The following BCL2L14 variants were observed in gnomAD, a reference collection of about 807,000 sequenced individuals.
The protein encoded by BCL2L14 is BCL2 like 14, also known as apoptosis facilitator Bcl-2-like protein 14.
BCL2L14 carries 27 observed loss-of-function variants against 35.3 expected under a neutral mutation model. The observed-to-expected ratio is 0.76, with a 90% CI of 0.56 to 1.05. BCL2L14 has a LOEUF of 1.05. BCL2L14 is among the 50% of genes least tolerant of loss of function. BCL2L14 has a pLI of 0.00. For synonymous variants in BCL2L14, 139 were observed against 145.9 expected (o/e 0.95, Z 0.34); for missense variants, 377 against 382.6 (o/e 0.99, Z 0.12).
In BCL2L14 at chr12:12,094,698, A is replaced by G; in HGVS notation, c.713A>G (p.Gln238Arg). 1 of 1,614,246 alleles carries G rather than the reference A, an allele frequency of 6.2e-7. No individual in the cohort carries two copies. Among genetic ancestry groups the G allele is most frequent in the South Asian group, 1.1e-5 (1 of 91,082 alleles). ...GATAAGGCTTTGATGGGCCACTTCC[A>G]GGATGGGCTGTCCTACTCTGTTTTC... ...KKDKALMGHFQDGLSYSVFKT... is the reference protein window; with the variant it reads ...KKDKALMGHFRDGLSYSVFKT... Residue 238 changes from glutamine to arginine, a missense_variant, in exon 5 of 6, where the codon CAG (glutamine) becomes CGG (arginine). Coordinates refer to ENST00000308721, the MANE Select transcript of BCL2L14 (RefSeq NM_138723.2).
intron 5 of BCL2L14, chr12:12,095,907 C>A: frequency 1.0e-6 from 1 of 985,372 alleles, no homozygotes; most frequent in African/African-American, 1.7e-5. Flanking sequence ...GTTTGATAAC[C>A]CTAAGTGGCT....
chr12:12,094,049 G>A (rs931759697), intron 4 of BCL2L14, among the ~76,000 whole-genome samples: 2 of 151,414 alleles, frequency 1.3e-5, no homozygotes, highest in Non-Finnish European at 2.9e-5. Flanking sequence ...AGAGGTTGCA[G>A]TGAGCTGAGA....
At chr12:12,060,120 T>C (rs1398880745) in intron 2 of BCL2L14, among the ~76,000 whole-genome samples, 6 of 151,332 alleles carry the variant, frequency 4.0e-5, no homozygotes, top group Non-Finnish European at 8.8e-5. Flanking sequence ...TTCCTCAGCC[T>C]CTGCTCCTCC....
chr12:12,098,475 G>A (rs888655319), intron 5 of BCL2L14, among the ~76,000 whole-genome samples: 5 of 152,006 alleles, frequency 3.3e-5, no homozygotes, highest in African/African-American at 9.7e-5. Context: ...TGAATGAATC[G>A]ATCAAATGAA....
chr12:12,057,852 C>T (rs953505306), intron 2 of BCL2L14, among the ~76,000 whole-genome samples: 1 of 146,320 alleles, frequency 6.8e-6, no homozygotes, highest in Admixed American at 6.8e-5. Flanking sequence ...CGTCATGGGC[C>T]TTAAAGACAG....
At chr12:12,062,059 T>C (rs1948533899) in intron 2 of BCL2L14, among the ~76,000 whole-genome samples, 1 of 152,184 alleles carries the variant, frequency 6.6e-6, no homozygotes, top group African/African-American at 2.4e-5. Flanking sequence ...CTAATACTTT[T>C]AGAGGCCCTC....
chr12:12,055,605 A>G (rs1484070718), intron 2 of BCL2L14: 1 of 152,222 alleles, frequency 6.6e-6, no homozygotes, highest in Non-Finnish European at 1.5e-5. Flanking sequence ...TTACAGCTGC[A>G]AAACACACCT....
At chr12:12,098,833 A>G (rs934265201) in intron 5 of BCL2L14, 117 bp from the exon 6 acceptor site, 4 of 760,854 alleles carry the variant, frequency 5.3e-6, no homozygotes, top group Non-Finnish European at 9.4e-6. Flanking sequence ...CCCCCAAACT[A>G]ACATGGTCTC....
At chr12:12,067,141 T>A (rs1404618528), upstream of BCL2L14, among the ~76,000 whole-genome samples, 1 of 152,182 alleles carries the variant, frequency 6.6e-6, no homozygotes, top group Non-Finnish European at 1.5e-5. Context: ...CCCAGCTCAC[T>A]GCAACCTCTG....
At chr12:12,050,524 G>A (rs1241519615) in intron 1 of BCL2L14, among the ~76,000 whole-genome samples, 1 of 151,418 alleles carries the variant, frequency 6.6e-6, no homozygotes, top group Non-Finnish European at 1.5e-5. Context: ...AATGCCAAGG[G>A]GGACACTTAT....
At chr12:12,057,214 A>G (rs928907310) in intron 2 of BCL2L14, among the ~76,000 whole-genome samples, 3 of 152,222 alleles carry the variant, frequency 2.0e-5, no homozygotes, top group Non-Finnish European at 2.9e-5. Flanking sequence ...TCCACGGGAG[A>G]CTATTTGCAT....
intron 2 of BCL2L14, among the ~76,000 whole-genome samples, chr12:12,086,505 T>C (rs1256814141): frequency 6.6e-6 from 1 of 152,222 alleles, no homozygotes; most frequent in African/African-American, 2.4e-5. Context: ...CACCGTCCTA[T>C]CTCAAAGTGC....
upstream of BCL2L14, among the ~76,000 whole-genome samples, chr12:12,068,496 A>G (rs2016891): frequency 0.41 from 62,900 of 151,852 alleles, 13,217 homozygotes; most frequent in Middle Eastern, 0.51. Flanking sequence ...TTGAACTCCT[A>G]GGCTCAAGCA....
chr12:12,086,178 C>T (rs1349843072), intron 2 of BCL2L14, among the ~76,000 whole-genome samples: 2 of 152,064 alleles, frequency 1.3e-5, no homozygotes, highest in South Asian at 4.2e-4. Flanking sequence ...ATTAGCCAGG[C>T]GTGGTGATGC....
In BCL2L14 at chr12:12,099,598, C is replaced by T. The variant is rs1949385420; in HGVS notation, c.*610C>T. 2 of 152,246 alleles carry T rather than the reference C, an allele frequency of 1.3e-5. No individual in the cohort carries two copies. Among genetic ancestry groups the T allele is most frequent in the South Asian group, 4.1e-4 (2 of 4,830 alleles). 9.4% of individuals were successfully genotyped at this position (152,246 alleles called of 1,614,324 possible). A position where few individuals can be genotyped will look rare whatever the true frequency, so the allele number is the denominator to read the frequency against. ...CTCAACCCTTTTCTCAGGGACCACA[C>T]CTCTTCTTCCCAAGGTCCCTGGGAC... On this transcript the variant is annotated 3_prime_UTR_variant, in exon 6 of 6. Transcript: ENST00000308721.
chr12:12,068,441 C>T (rs1948619292), upstream of BCL2L14, among the ~76,000 whole-genome samples: 1 of 152,042 alleles, frequency 6.6e-6, no homozygotes, highest in Admixed American at 6.6e-5. Flanking sequence ...CTTACTCTGT[C>T]ACCCAGGCTA....
intron 1 of BCL2L14, among the ~76,000 whole-genome samples, chr12:12,075,828 C>T (rs1042425696): frequency 6.6e-6 from 1 of 152,024 alleles, no homozygotes; most frequent in African/African-American, 2.4e-5. Context: ...TCTTGCAGAA[C>T]TTACCAGATA....
intron 2 of BCL2L14, among the ~76,000 whole-genome samples, chr12:12,080,792 T>C (rs1475346258): frequency 1.3e-5 from 2 of 151,886 alleles, no homozygotes; most frequent in Non-Finnish European, 1.5e-5. Flanking sequence ...AGAGCAAGAG[T>C]AAAAGGACTC....
upstream of BCL2L14, among the ~76,000 whole-genome samples, chr12:12,068,840 A>G (rs1948624145): frequency 6.6e-6 from 1 of 152,068 alleles, no homozygotes; most frequent in South Asian, 2.1e-4. Flanking sequence ...AAGGGGGGCT[A>G]CTCCATAGGC....
Sources: allele counts gnomAD v4.1 joint callset (sites outside exome capture counted in the v4.1 genomes callset), GRCh38; gene constraint gnomAD v4.1.1; transcripts MANE v1.5; gene names NCBI Gene and HGNC (gene_info 2026-07-23, HGNC 2026-07-21).